CTNNA2: variants seen among roughly 807,000 people sequenced by gnomAD.
CTNNA2 encodes catenin alpha-2.
A neutral mutation model predicts 101.0 loss-of-function variants in CTNNA2; 42 were observed. The observed-to-expected ratio is 0.42, with a 90% CI of 0.32 to 0.54. CTNNA2 has a LOEUF of 0.54. Among genes scored for constraint, CTNNA2 ranks in the 20% least tolerant of loss-of-function variants. The pLI, the probability that CTNNA2 is intolerant of heterozygous loss-of-function variation, is 0.14. For missense variants in CTNNA2, 871 were observed against 1,223.1 expected (o/e 0.71, Z 4.29); for synonymous variants, 450 against 456.4 (o/e 0.99, Z 0.18).
intron 1 of CTNNA2, among the ~76,000 whole-genome samples, chr2:79,580,984 C>T (rs962334882): frequency 6.6e-6 from 1 of 152,174 alleles, no homozygotes; most frequent in African/African-American, 2.4e-5. Context: ...CTATATTTAA[C>T]CTGTTTCTCC....
chr2:79,484,586 A>G (rs1349213298), intron 4 of CTNNA2, among the ~76,000 whole-genome samples: 2 of 152,266 alleles, frequency 1.3e-5, no homozygotes, highest in East Asian at 3.9e-4. Context: ...GAAGTAGGTA[A>G]CCAGCTGGTC....
intron 6 of CTNNA2, among the ~76,000 whole-genome samples, chr2:79,889,167 T>A (rs953526676): frequency 2.0e-5 from 3 of 152,108 alleles, no homozygotes; most frequent in African/African-American, 7.2e-5. Context: ...GATTCAGTGG[T>A]GAAGTAAACC....
chr2:79,373,492 A>T (rs1677918888), intron 3 of CTNNA2, among the ~76,000 whole-genome samples: 1 of 152,186 alleles, frequency 6.6e-6, no homozygotes, highest in Non-Finnish European at 1.5e-5. Context: ...ATAGCACTGA[A>T]ATTGATGCCA....
intron 4 of CTNNA2, among the ~76,000 whole-genome samples, chr2:79,459,384 A>G (rs1048813136): frequency 9.2e-5 from 14 of 151,956 alleles, no homozygotes; most frequent in African/African-American, 3.4e-4. Context: ...CAAGTATTGT[A>G]AGTAAAAAGG....
At chr2:79,907,509 C>A (rs769410350) in intron 6 of CTNNA2, among the ~76,000 whole-genome samples, 1 of 152,020 alleles carries the variant, frequency 6.6e-6, no homozygotes, top group Non-Finnish European at 1.5e-5. Flanking sequence ...ATCTGTGCTC[C>A]CCTCTCAGCT....
chr2:80,137,720 G>C (rs1303387830), intron 7 of CTNNA2, among the ~76,000 whole-genome samples: 1 of 149,086 alleles, frequency 6.7e-6, no homozygotes, highest in East Asian at 2.0e-4. Context: ...TTTTAGAACA[G>C]CTGGATCTCC....
rs563878877 is a variant in CTNNA2 at position 80,191,020 on chromosome 2, T to C, written c.1057-202191T>C. 6.0e-4 allele frequency among the ~76,000 whole-genome samples: 91 copies of C among 152,342 alleles called. 1 individual carries two copies. The highest frequency in any genetic ancestry group is 1.6e-3 in the Admixed American group (24 of 15,308). The stretch of plus-strand genomic sequence containing the variant: ...GCAGCTGTTCTAGTGTTTTGACCGC[T>C]AGGGTCTTATATGTATGGTGACCTT... On this transcript the variant is annotated intron_variant, in intron 7 of 18. Transcript: ENST00000402739.
chr2:79,917,198 A>C (rs1332795431), intron 7 of CTNNA2, among the ~76,000 whole-genome samples: 1 of 151,804 alleles, frequency 6.6e-6, no homozygotes, highest in Non-Finnish European at 1.5e-5. Flanking sequence ...CAGCCTGCCG[A>C]GTAGCTGGGA....
At chr2:80,518,188 C>T (rs1328943058) in intron 9 of CTNNA2, among the ~76,000 whole-genome samples, 1 of 152,148 alleles carries the variant, frequency 6.6e-6, no homozygotes, top group Admixed American at 6.5e-5. Context: ...TTTTCATATT[C>T]AGTTAAGTAA....
intron 4 of CTNNA2, among the ~76,000 whole-genome samples, chr2:79,428,518 T>C (rs1678616665): frequency 1.3e-5 from 2 of 152,090 alleles, no homozygotes; most frequent in African/African-American, 4.8e-5. Flanking sequence ...ACTTCTGTCC[T>C]GGGGCCGCTG....
chr2:80,049,687 G>A (rs1696746349), intron 7 of CTNNA2, among the ~76,000 whole-genome samples: 1 of 152,128 alleles, frequency 6.6e-6, no homozygotes, highest in South Asian at 2.1e-4. Context: ...GCTCCACTGG[G>A]CATGGGAGGC....
At chr2:79,557,507 T>G (rs1267004815) in intron 1 of CTNNA2, among the ~76,000 whole-genome samples, 3 of 151,982 alleles carry the variant, frequency 2.0e-5, no homozygotes, top group Non-Finnish European at 4.4e-5. Flanking sequence ...TTTGCCTACT[T>G]AGTTTTAAAC....
chr2:80,004,607 G>A (rs185392598), intron 7 of CTNNA2, among the ~76,000 whole-genome samples: 1 of 152,244 alleles, frequency 6.6e-6, no homozygotes, highest in Admixed American at 6.5e-5. Context: ...AAAGAGGTTG[G>A]ATAATCTGTT....
intron 1 of CTNNA2, among the ~76,000 whole-genome samples, chr2:79,650,355 T>C (rs1052988806): frequency 4.6e-5 from 7 of 152,122 alleles, no homozygotes; most frequent in African/African-American, 1.7e-4. Context: ...AGCATGTAAA[T>C]AGTAGCAGAT....
chr2:80,082,812 C>A (rs1699229483), intron 7 of CTNNA2, among the ~76,000 whole-genome samples: 1 of 152,088 alleles, frequency 6.6e-6, no homozygotes, highest in South Asian at 2.1e-4. Context: ...TCCACTGTGT[C>A]ACCTGGGAGA....
chr2:79,955,690 T>C (rs1039730460), intron 7 of CTNNA2, among the ~76,000 whole-genome samples: 3 of 152,194 alleles, frequency 2.0e-5, no homozygotes, highest in African/African-American at 7.2e-5. Context: ...TTTTTTTTGA[T>C]TTTTTGTAGA....
chr2:79,520,491 A>G (rs1020077125), intron 1 of CTNNA2, among the ~76,000 whole-genome samples: 7 of 152,188 alleles, frequency 4.6e-5, no homozygotes. Flanking sequence ...ATAAAATTTA[A>G]AAGAAAATAT....
At chr2:80,178,517 C>T (rs1705544289) in intron 7 of CTNNA2, among the ~76,000 whole-genome samples, 1 of 152,210 alleles carries the variant, frequency 6.6e-6, no homozygotes, top group Non-Finnish European at 1.5e-5. Flanking sequence ...TCCCTATTTG[C>T]CACTGACACC....
intron 4 of CTNNA2, among the ~76,000 whole-genome samples, chr2:79,444,978 T>C (rs956617133): frequency 6.6e-6 from 1 of 152,064 alleles, no homozygotes; most frequent in African/African-American, 2.4e-5. Context: ...CCTGCCTAGA[T>C]TATTCTCAAA....
Sources: gnomAD v4.1 joint callset for allele counts (sites outside exome capture counted in the v4.1 genomes callset) on GRCh38, gnomAD v4.1.1 for gene constraint, MANE v1.5 for transcripts, NCBI Gene and HGNC (gene_info 2026-07-23, HGNC 2026-07-21) for gene names.